Variants in RPS6 observed in about 807,000 individuals in gnomAD.
The protein encoded by RPS6 is ribosomal protein S6.
RPS6 carries 1 observed loss-of-function variant against 27.1 expected under a neutral mutation model. The ratio of observed to expected loss-of-function variants is 0.04; its 90% CI spans 0.01 to 0.18. The LOEUF is 0.18. RPS6 is among the 10% of genes least tolerant of loss of function. RPS6 has a pLI of 1.00. For missense variants in RPS6, 259 were observed against 319.1 expected (o/e 0.81, Z 1.44); for synonymous variants, 152 against 106.0 (o/e 1.43, Z -2.66).
chr9:19,379,432 C>T, intron 2 of RPS6, 55 bp downstream of exon 2: 2 of 1,608,298 alleles, frequency 1.2e-6, no homozygotes, highest in South Asian at 1.1e-5. Context: ...TACCAGTTAC[C>T]AATGGCGTTT....
chr9:19,380,045 C>A (rs777979465), intron 1 of RPS6, 145 bp downstream of exon 1: 515 of 1,575,562 alleles, frequency 3.3e-4, no homozygotes, highest in Non-Finnish European at 4.3e-4. Context: ...AAGCTCCATG[C>A]CCCAGAAAGG....
rs1195956691 is a variant in RPS6 at position 19,379,428 on chromosome 9, T to C, written c.138+59A>G. On this transcript the variant is annotated intron_variant, in intron 2 of 5. Transcript: ENST00000380394. ...GTCTGAACCCCATTCCAAATACCAG[T>C]TACCAATGGCGTTTACCGTCTCTGA... 3.7e-6 allele frequency: 6 copies of C among 1,605,970 alleles called. No individual in the cohort carries two copies. In the East Asian group the frequency reaches 1.1e-4, roughly 30 times the overall value.
At chr9:19,378,191 A>G (rs1247572193) in intron 4 of RPS6, among the ~76,000 whole-genome samples, 177 bp downstream of exon 4, 2 of 152,330 alleles carry the variant, frequency 1.3e-5, no homozygotes, top group East Asian at 3.9e-4. Context: ...ACTGGATATA[A>G]TAAGCAAGGA....
intron 1 of RPS6, 90 bp from the exon 2 acceptor site, chr9:19,379,708 C>T (rs1829648027): frequency 2.6e-6 from 4 of 1,518,030 alleles, no homozygotes; most frequent in Admixed American, 4.4e-5. Flanking sequence ...CTGCAAAAAG[C>T]CTTTCATGTT....
intron 4 of RPS6, among the ~76,000 whole-genome samples, chr9:19,377,981 C>T (rs750472942): frequency 7.2e-5 from 11 of 152,132 alleles, no homozygotes; most frequent in Non-Finnish European, 1.6e-4. Context: ...ACAGTGTGAC[C>T]TCATCTCTTA....
rs971020877 is a variant in RPS6 at position 19,378,651 on chromosome 9, T to C, written c.349+57A>G. The stretch of plus-strand genomic sequence containing the variant: ...TCTGGATACTGCAAATGAATAAGCA[T>C]TTGGACAACTGGCTTTAAATCAATT... On this transcript the variant is annotated intron_variant, in intron 3 of 5. Transcript: ENST00000380394. 23 of 1,595,626 alleles carry C rather than the reference T, an allele frequency of 1.4e-5. No homozygotes were observed. In the African/African-American group the frequency reaches 2.1e-4, roughly 15 times the overall value.
intron 4 of RPS6, among the ~76,000 whole-genome samples, chr9:19,377,380 A>G (rs1263906524): frequency 7.0e-6 from 1 of 142,360 alleles, no homozygotes; most frequent in Non-Finnish European, 1.5e-5. Flanking sequence ...ACTGCCACCT[A>G]TTTGTCAATT....
rs748616305 is a variant in RPS6, at chr9:19,378,948, T to C, written c.139-30A>G. On this transcript the variant is annotated intron_variant, in intron 2 of 5. Coordinates refer to ENST00000380394, the MANE Select transcript of RPS6 (RefSeq NM_001010.3). ...AAGAGCATACAATGAATGACACATT[T>C]ACTATTTCTATTCCAAAATTATACA... The C allele has an allele frequency of 5.0e-6, 8 of 1,599,302 alleles. No individual in the cohort carries two copies. The South Asian group carries it at 6.6e-5, about 13-fold the overall frequency.
chr9:19,378,553 T>C, intron 3 of RPS6, 39 bp from the exon 4 acceptor site: 1 of 1,604,064 alleles, frequency 6.2e-7, no homozygotes, highest in Non-Finnish European at 8.5e-7. Flanking sequence ...ATTCAACAAC[T>C]TCCTTAAGAA....
Position 19,378,630 on chromosome 9 carries a change from G to T in RPS6, c.349+78C>A, listed in dbSNP as rs950506309. On this transcript the variant is annotated intron_variant, in intron 3 of 5. Coordinates refer to ENST00000380394, the MANE Select transcript of RPS6 (RefSeq NM_001010.3). ...ACAAATCCATTGGTCTGTAAGTCTG[G>T]ATACTGCAAATGAATAAGCATTTGG... The T allele has an allele frequency of 4.4e-6, 7 of 1,576,304 alleles. No individual in the cohort carries two copies. The African/African-American group carries it at 9.4e-5, about 21-fold the overall frequency.
Position 19,376,349 on chromosome 9 carries a change from G to T in RPS6, c.694C>A (p.Arg232Ser). 1 of 1,614,112 alleles carries T rather than the reference G, an allele frequency of 6.2e-7. No individual in the cohort carries two copies. Among genetic ancestry groups the T allele is most frequent in the Non-Finnish European group, 8.5e-7 (1 of 1,180,006 alleles). Reference protein sequence around the residue: ...EKRQEQIAKRRRLSSLRASTS... With the variant: ...EKRQEQIAKRSRLSSLRASTS... ...GAAGCTCGCAGAGAGGAAAGTCTGC[G>T]TCTCTTCGCAATTTGTTCCTGGCGC... is the stretch of plus-strand genomic sequence containing the variant. Residue 232 changes from arginine to serine, a missense_variant, in exon 6 of 6, where the codon CGC (arginine) becomes AGC (serine). Coordinates refer to ENST00000380394, the MANE Select transcript of RPS6 (RefSeq NM_001010.3).
At chr9:19,379,260 G>T in intron 2 of RPS6, 1 of 1,432,774 alleles carries the variant, frequency 7.0e-7, no homozygotes, top group South Asian at 1.5e-5. Flanking sequence ...CCAAATGCAT[G>T]ATGCAGGGCA....
chr9:19,378,724 C>G lies in RPS6; in HGVS notation c.333G>C (p.Leu111Phe). 1 of 1,613,940 alleles carries G rather than the reference C, an allele frequency of 6.2e-7. No homozygotes were observed. Among genetic ancestry groups the G allele is most frequent in the South Asian group, 1.1e-5 (1 of 91,068 alleles). ...AACCCTCACCTTTTTTTACAATAAC[C>G]AAGTTGAGAACGCTCAGATTTGCAT... ...IVDANLSVLN[L>F]VIVKKGEKDI... The change falls in exon 3 of 6, where the codon TTG (leucine) becomes TTC (phenylalanine). Residue 111 changes from leucine (L) to phenylalanine (F), a missense_variant. Around this residue, in one of 3 missense-constraint regions of RPS6, gnomAD observed 191 missense variants for 231.6 expected, o/e 0.82. Transcript: ENST00000380394.
intron 4 of RPS6, 139 bp downstream of exon 4, chr9:19,378,229 C>G: frequency 1.3e-6 from 1 of 779,128 alleles, no homozygotes; most frequent in Non-Finnish European, 2.0e-6. Flanking sequence ...TGCTGGCCAC[C>G]CCCAAATATT....
intron 4 of RPS6, among the ~76,000 whole-genome samples, chr9:19,377,926 G>C (rs553730841): frequency 2.0e-5 from 3 of 152,360 alleles, no homozygotes; most frequent in African/African-American, 7.2e-5. Flanking sequence ...GGAAGCCAAA[G>C]TGGGAGCATC....
chr9:19,378,373 T>A lies in RPS6; in HGVS notation c.491A>T (p.Lys164Ile), dbSNP rs1829623967. The A allele has an allele frequency of 1.9e-6, 3 of 1,612,298 alleles. No homozygotes were observed. Among genetic ancestry groups the A allele is most frequent in the Non-Finnish European group, 2.5e-6 (3 of 1,179,882 alleles). ...RQYVVRKPLN[K>I]EGKKPRTKAP... The stretch of plus-strand genomic sequence containing the variant: ...AATTGCATAATCCCTCCTACCTTCT[T>A]TATTTAAGGGCTTTCTTACAACATA... Residue 164 changes from lysine (K) to isoleucine (I), a missense_variant, in exon 4 of 6, where the codon AAA becomes ATA. Around this residue, in one of 3 missense-constraint regions of RPS6, gnomAD observed 191 missense variants for 231.6 expected, o/e 0.82. Transcript: ENST00000380394.
At chr9:19,378,637 C>G in intron 3 of RPS6, 71 bp downstream of exon 3, 1 of 1,580,380 alleles carries the variant, frequency 6.3e-7, no homozygotes, top group Non-Finnish European at 8.7e-7. Context: ...CTGGATACTG[C>G]AAATGAATAA....
Position 19,378,806 on chromosome 9 carries a change from T to A in RPS6, c.251A>T (p.Tyr84Phe). ...RLLLSKGHSC[Y>F]RPRRTGERKR... ...TCTTTCTCCAGTTCTCCTTGGTCTGTAACAGGAATGCCCCTTACTCAGTAG... is the reference window on the plus strand; with the variant it reads ...TCTTTCTCCAGTTCTCCTTGGTCTGAAACAGGAATGCCCCTTACTCAGTAG... Residue 84 changes from tyrosine (Y) to phenylalanine (F), a missense_variant, in exon 3 of 6, where the codon TAC becomes TTC. By Grantham distance (22) the Tyr-to-Phe change is conservative. Coordinates refer to ENST00000380394, the MANE Select transcript of RPS6 (RefSeq NM_001010.3). The A allele has an allele frequency of 6.2e-7, 1 of 1,614,206 alleles. No homozygotes were observed. Among genetic ancestry groups the A allele is most frequent in the East Asian group, 2.2e-5 (1 of 44,884 alleles).
intron 1 of RPS6, 111 bp downstream of exon 1, chr9:19,380,079 C>A: frequency 1.2e-6 from 2 of 1,612,496 alleles, no homozygotes; most frequent in South Asian, 2.2e-5. Flanking sequence ...ACTTGAGACC[C>A]TTCTCCACCT....
Sources: gnomAD v4.1 joint callset for allele counts (sites outside exome capture counted in the v4.1 genomes callset) on GRCh38, gnomAD v4.1.1 for gene constraint, gnomAD v4.1.1 regional missense constraint, MANE v1.5 for transcripts, NCBI Gene and HGNC (gene_info 2026-07-23, HGNC 2026-07-21) for gene names.